Variants in CACNG4 observed in about 807,000 individuals in gnomAD.
The protein encoded by CACNG4 is calcium voltage-gated channel auxiliary subunit gamma 4, also known as voltage-dependent calcium channel gamma-4 subunit.
A neutral mutation model predicts 22.9 loss-of-function variants in CACNG4; 8 were observed. That is an observed-to-expected ratio of 0.35 (90% confidence interval 0.21 to 0.63). The LOEUF is 0.63. CACNG4 is among the 30% of genes least tolerant of loss of function. The pLI is 0.72. For synonymous variants in CACNG4, 188 were observed against 191.9 expected, an observed-to-expected ratio of 0.98 and a Z score of 0.17; for missense variants, 357 against 455.4, an observed-to-expected ratio of 0.78 and a Z score of 1.97.
intron 1 of CACNG4, among the ~76,000 whole-genome samples, chr17:67,007,254 A>G (rs2035443383): frequency 6.6e-6 from 1 of 152,202 alleles, no homozygotes; most frequent in Non-Finnish European, 1.5e-5. Flanking sequence ...ACTATCAAAA[A>G]AGTAATAAGC....
chr17:67,028,480 G>T (rs2035581682), intron 3 of CACNG4, among the ~76,000 whole-genome samples: 1 of 152,092 alleles, frequency 6.6e-6, no homozygotes, highest in Non-Finnish European at 1.5e-5. Context: ...GTGAACCCGG[G>T]AGGCGGAGCT....
chr17:67,026,759 T>C (rs1265134420), intron 3 of CACNG4, among the ~76,000 whole-genome samples: 3 of 150,518 alleles, frequency 2.0e-5, no homozygotes, highest in Non-Finnish European at 4.4e-5. Context: ...GTGTGAGGAC[T>C]ATGGTGTGTG....
At chr17:66,989,016 A>G (rs9892954) in intron 1 of CACNG4, among the ~76,000 whole-genome samples, 28,666 of 140,544 alleles carry the variant, frequency 0.2, 5,572 homozygotes, top group African/African-American at 0.52. Flanking sequence ...AGCCAAGATC[A>G]TGCCACTGTA....
At chr17:67,008,617 A>G (rs527858702) in intron 1 of CACNG4, among the ~76,000 whole-genome samples, 2 of 152,276 alleles carry the variant, frequency 1.3e-5, no homozygotes, top group South Asian at 4.1e-4. Flanking sequence ...GAAAATTCTT[A>G]TGTTGAAGTC....
intron 1 of CACNG4, among the ~76,000 whole-genome samples, chr17:66,992,551 C>G (rs1430004226): frequency 6.6e-6 from 1 of 152,228 alleles, no homozygotes. Context: ...CTGGAAGCAA[C>G]CCTGCCATGG....
At chr17:66,988,404 C>A (rs2143302652) in intron 1 of CACNG4, among the ~76,000 whole-genome samples, 1 of 152,306 alleles carries the variant, frequency 6.6e-6, no homozygotes, top group Admixed American at 6.5e-5. Flanking sequence ...TCTGCGGCAC[C>A]AGCTTTTCTT....
intron 1 of CACNG4, among the ~76,000 whole-genome samples, chr17:66,980,635 T>TTTTTTG: frequency 6.7e-6 from 1 of 149,436 alleles, no homozygotes; most frequent in African/African-American, 2.5e-5. Flanking sequence ...TTTTTTTTTT[T>TTTTTTG]TTTTTGAGAC....
At position 67,031,040 on chromosome 17, in the gene CACNG4, C is replaced by A; in HGVS notation, c.*36C>A. 1 of 1,573,720 alleles carries A rather than the reference C, an allele frequency of 6.4e-7. No homozygotes were observed. The highest frequency in any genetic ancestry group is 8.6e-7 in the Non-Finnish European group (1 of 1,159,546). Reference sequence around the variant, plus strand: ...CTTTCTCTCCGCTCCAGCCTCTCCCCAGAACGGCTCTTTTTGTCACACAGG... The same window carrying A: ...CTTTCTCTCCGCTCCAGCCTCTCCCAAGAACGGCTCTTTTTGTCACACAGG... On this transcript the variant is annotated 3_prime_UTR_variant, in exon 4 of 4. Transcript: ENST00000262138. The surrounding 1 kb of genome is among the most constrained non-coding windows in gnomAD (Gnocchi z 4.0).
intron 1 of CACNG4, among the ~76,000 whole-genome samples, chr17:67,000,879 C>A (rs974399384): frequency 6.6e-6 from 1 of 152,178 alleles, no homozygotes; most frequent in African/African-American, 2.4e-5. Context: ...TGCCTCCACT[C>A]TGTCCTCCAT....
intron 1 of CACNG4, among the ~76,000 whole-genome samples, chr17:67,001,953 T>C (rs1027623248): frequency 4.3e-4 from 66 of 152,184 alleles, no homozygotes; most frequent in African/African-American, 1.5e-3. Context: ...AAGCCCATGA[T>C]CTGGCGGCTC....
chr17:67,012,224 GAGA>G lies in CACNG4; in HGVS notation c.221-5961_221-5959del, dbSNP rs541698070. Among the ~76,000 whole-genome samples the G allele has an allele frequency of 3.3e-5, 5 of 152,362 alleles. No homozygotes were observed. The South Asian group carries it at 1.0e-3, about 32-fold the overall frequency. On this transcript the variant is annotated intron_variant, in intron 1 of 3. Transcript: ENST00000262138. ...CTTTCCTCTTCTGTCAAATGGAGCA[GAGA>G]AGACTTTGTTTTACATTAGGGTAGA...
Position 66,964,863 on chromosome 17 carries a change from C to G in CACNG4, c.-49C>G. On this transcript the variant is annotated 5_prime_UTR_variant, in exon 1 of 4. Coordinates refer to ENST00000262138, the MANE Select transcript of CACNG4 (RefSeq NM_014405.4). ...CGGCGCGCGGAGGGAGGAGGGCGGGCGGGCGCGGCGGGCCGGGCCGGCGGG... is the reference window on the plus strand; with the variant it reads ...CGGCGCGCGGAGGGAGGAGGGCGGGGGGGCGCGGCGGGCCGGGCCGGCGGG... 1.1e-5 allele frequency: 13 copies of G among 1,146,352 alleles called. No homozygotes were observed. Among genetic ancestry groups the G allele is most frequent in the Admixed American group, 4.5e-5 (1 of 22,314 alleles). 71.0% of individuals were successfully genotyped at this position (1,146,352 alleles called of 1,614,324 possible).
rs141862748 is a variant in CACNG4, at chr17:66,978,436, C to T, written c.220+13305C>T. On this transcript the variant is annotated intron_variant, in intron 1 of 3. Transcript: ENST00000262138. ...ATGGGTCTCAGAGGAAGGGGGGCTTCGGTTCTTAATTCCCAGGGTTCCTCC... is the reference window on the plus strand; with the variant it reads ...ATGGGTCTCAGAGGAAGGGGGGCTTTGGTTCTTAATTCCCAGGGTTCCTCC... Among the ~76,000 whole-genome samples, 221 of 152,218 alleles carry T rather than the reference C, an allele frequency of 1.5e-3. 1 individual carries two copies. Among genetic ancestry groups the T allele is most frequent in the African/African-American group, 4.5e-3 (187 of 41,536 alleles).
intron 1 of CACNG4, among the ~76,000 whole-genome samples, chr17:67,012,347 T>A (rs903410592): frequency 6.6e-6 from 1 of 152,156 alleles, no homozygotes; most frequent in African/African-American, 2.4e-5. Flanking sequence ...ATTGCAGAGA[T>A]GAAATGGGCT....
chr17:66,969,666 G>A (rs1465042881), intron 1 of CACNG4, among the ~76,000 whole-genome samples: 1 of 152,170 alleles, frequency 6.6e-6, no homozygotes, highest in Non-Finnish European at 1.5e-5. Context: ...AGCCATGGAT[G>A]TCTCCCAAGG....
At chr17:66,971,097 G>A (rs1269129773) in intron 1 of CACNG4, among the ~76,000 whole-genome samples, 4 of 152,190 alleles carry the variant, frequency 2.6e-5, no homozygotes, top group South Asian at 2.1e-4. Context: ...CTCCTCATCT[G>A]AAAATGGGGC....
At position 66,984,221 on chromosome 17, in the gene CACNG4, C is replaced by A. The variant is rs1463931716; in HGVS notation, c.220+19090C>A. ...AATGAGACCCCGTTTCTAACAACAA[C>A]AAAAAATTAATTAGCTGGACATGGT... On this transcript the variant is annotated intron_variant, in intron 1 of 3. Transcript: ENST00000262138. The surrounding 1 kb of genome is among the most constrained non-coding windows in gnomAD (Gnocchi z 4.0). Among the ~76,000 whole-genome samples the A allele has an allele frequency of 2.6e-5, 4 of 152,036 alleles. No individual in the cohort carries two copies. Among genetic ancestry groups the A allele is most frequent in the Non-Finnish European group, 5.9e-5 (4 of 68,022 alleles).
chr17:66,980,758 A>G (rs968573414), intron 1 of CACNG4, among the ~76,000 whole-genome samples: 38 of 151,068 alleles, frequency 2.5e-4, no homozygotes, highest in African/African-American at 9.0e-4. Flanking sequence ...AGCTGGAATT[A>G]CAGGCGTGCA....
chr17:66,965,530 G>A (rs2035164101), intron 1 of CACNG4, among the ~76,000 whole-genome samples: 1 of 151,024 alleles, frequency 6.6e-6, no homozygotes, highest in Non-Finnish European at 1.5e-5. Flanking sequence ...TGGCGAGGGG[G>A]CGGGAGGAGG....
Sources: gnomAD v4.1 joint callset for allele counts (sites outside exome capture counted in the v4.1 genomes callset) on GRCh38, gnomAD v4.1.1 for gene constraint, Gnocchi (gnomAD v3.1) non-coding constraint, MANE v1.5 for transcripts, NCBI Gene and HGNC (gene_info 2026-07-23, HGNC 2026-07-21) for gene names.